The following DHX35 variants were observed in gnomAD, a reference collection of about 807,000 sequenced individuals.
DHX35 encodes probable ATP-dependent RNA helicase DHX35.
In DHX35, 84 loss-of-function variants were observed where a neutral mutation model predicts 99.6. The observed-to-expected ratio is 0.84, with a 90% CI of 0.71 to 1.01. The LOEUF is 1.01. DHX35 is among the 50% of genes least tolerant of loss of function. The probability of loss-of-function intolerance (pLI) is 0.00; values close to 1 mark genes in which losing one functional copy is unlikely to be tolerated. For synonymous variants in DHX35, 331 were observed against 316.2 expected (o/e 1.05, Z -0.50); for missense variants, 852 against 888.5 (o/e 0.96, Z 0.52).
At chr20:38,964,468 C>T (rs1393456839) in intron 1 of DHX35, among the ~76,000 whole-genome samples, 2 of 151,670 alleles carry the variant, frequency 1.3e-5, no homozygotes, top group African/African-American at 2.4e-5. Flanking sequence ...TCTGGCTCAG[C>T]CGCCCAGGCT....
chr20:39,021,702 C>A, intron 15 of DHX35, 139 bp from the exon 16 acceptor site: 1 of 826,836 alleles, frequency 1.2e-6, no homozygotes, highest in South Asian at 1.6e-5. Flanking sequence ...GGCTTATATA[C>A]TATACACTTT....
chr20:39,032,881 C>T (rs1399088432), intron 20 of DHX35, among the ~76,000 whole-genome samples: 1 of 152,156 alleles, frequency 6.6e-6, no homozygotes, highest in Non-Finnish European at 1.5e-5. Context: ...TTGAAAGCAC[C>T]TTGGTCGGTT....
chr20:38,994,224 T>C (rs1361967784), intron 7 of DHX35, among the ~76,000 whole-genome samples: 1 of 152,176 alleles, frequency 6.6e-6, no homozygotes, highest in Non-Finnish European at 1.5e-5. Flanking sequence ...TTTCACTGAA[T>C]CTTTGCCAAC....
chr20:38,972,667 A>C lies in DHX35; in HGVS notation c.267+16A>C. The C allele has an allele frequency of 1.3e-6, 2 of 1,571,888 alleles. No individual in the cohort carries two copies. The highest frequency in any genetic ancestry group is 8.7e-7 in the Non-Finnish European group (1 of 1,143,456). ...GATTCCTCAGGTGAGTACATATTTA[A>C]TAAGTGTCTTTACACTTCGATTTGG... On this transcript the variant is annotated intron_variant, in intron 3 of 21. Transcript: ENST00000252011.
intron 13 of DHX35, 46 bp from the exon 14 acceptor site, chr20:39,014,834 G>T (rs1046535388): frequency 5.6e-6 from 9 of 1,610,316 alleles, no homozygotes; most frequent in Non-Finnish European, 7.6e-6. Flanking sequence ...TTTAATGTTT[G>T]TTGCCCAAAT....
chr20:38,995,668 T>C (rs533345905), intron 8 of DHX35, among the ~76,000 whole-genome samples: 1 of 152,368 alleles, frequency 6.6e-6, no homozygotes, highest in East Asian at 1.9e-4. Flanking sequence ...CCACTTACTA[T>C]ATTTACATGC....
chr20:39,025,299 G>T lies in DHX35; in HGVS notation c.1741G>T (p.Val581Leu). ...CAAGGGTCTTGTCAGAGCTGCGACTGTAAGAGAACAATTGAAAAAGCTTCT... is the reference window on the plus strand; with the variant it reads ...CAAGGGTCTTGTCAGAGCTGCGACTTTAAGAGAACAATTGAAAAAGCTTCT... Reference protein sequence around the residue: ...NYKGLVRAATVREQLKKLLVK... With the variant: ...NYKGLVRAATLREQLKKLLVK... The change falls in exon 18 of 22, where the codon GTA becomes TTA. Residue 581 changes from valine to leucine, a missense_variant. Physicochemically the swap from Val to Leu is conservative, Grantham distance 32. Coordinates refer to ENST00000252011, the MANE Select transcript of DHX35 (RefSeq NM_021931.4). 1 of 1,613,790 alleles carries T rather than the reference G, an allele frequency of 6.2e-7. No individual in the cohort carries two copies.
rs2086848221 is a variant in DHX35, at chr20:39,020,027, G to GT, written c.1498+1129dup. On this transcript the variant is annotated intron_variant, in intron 15 of 21. Transcript: ENST00000252011. ...CCTGCCTTATTTCACTTGGCATAAT[G>GT]TCCTCCAGTTCCATTTATGCTGTCA... Among the ~76,000 whole-genome samples the GT allele has an allele frequency of 1.3e-5, 2 of 152,124 alleles. 1 individual carries two copies. The highest frequency in any genetic ancestry group is 4.1e-4 in the South Asian group (2 of 4,824).
Position 39,034,198 on chromosome 20 carries a change from C to A in DHX35, c.1956-8C>A. On this transcript the variant is annotated splice_region_variant and splice_polypyrimidine_tract_variant and intron_variant, in intron 20 of 21. Coordinates refer to ENST00000252011, the MANE Select transcript of DHX35 (RefSeq NM_021931.4). Reference sequence around the variant, plus strand: ...GGGAAATTAGCTCATGTTTCTTTCTCATTTCAGGGTCATCTATAACGAAGT... The same window carrying A: ...GGGAAATTAGCTCATGTTTCTTTCTAATTTCAGGGTCATCTATAACGAAGT... The A allele has an allele frequency of 6.2e-7, 1 of 1,600,076 alleles. No individual in the cohort carries two copies. The highest frequency in any genetic ancestry group is 1.1e-5 in the South Asian group (1 of 90,824).
intron 16 of DHX35, among the ~76,000 whole-genome samples, chr20:39,022,725 G>T (rs2086894138): frequency 6.6e-6 from 1 of 152,230 alleles, no homozygotes; most frequent in Non-Finnish European, 1.5e-5. Flanking sequence ...TTGCAGGTGG[G>T]CCATTATAAG....
chr20:38,998,622 C>T (rs1263731788), intron 8 of DHX35, among the ~76,000 whole-genome samples: 1 of 152,198 alleles, frequency 6.6e-6, no homozygotes, highest in Admixed American at 6.5e-5. Flanking sequence ...GACTCAAATT[C>T]TTCTTTTCTG....
chr20:38,991,213 A>T (rs556417320), intron 5 of DHX35, among the ~76,000 whole-genome samples: 1 of 152,300 alleles, frequency 6.6e-6, no homozygotes, highest in African/African-American at 2.4e-5. Context: ...ATGTTCCCAT[A>T]ATAAAGGCAA....
rs199881844 is a variant in DHX35, at chr20:38,997,366, T to C, written c.642+2486T>C. ...ATTTACAGGCATGAACCACCACGCC[T>C]GGCCAGATTCATTGTTAATTAATAC... On this transcript the variant is annotated intron_variant, in intron 8 of 21. Transcript: ENST00000252011. Among the ~76,000 whole-genome samples, 25 of 152,270 alleles carry C rather than the reference T, an allele frequency of 1.6e-4. No individual in the cohort carries two copies. In the East Asian group the frequency reaches 4.6e-3, roughly 28 times the overall value.
chr20:38,973,012 T>C (rs977911997), intron 3 of DHX35, among the ~76,000 whole-genome samples: 2 of 152,232 alleles, frequency 1.3e-5, no homozygotes, highest in Non-Finnish European at 1.5e-5. Flanking sequence ...TTGGCTGTTA[T>C]AGTATTATGC....
intron 3 of DHX35, among the ~76,000 whole-genome samples, chr20:38,975,012 T>C (rs16987715): frequency 0.35 from 52,606 of 152,044 alleles, 9,257 homozygotes; most frequent in Middle Eastern, 0.52. Context: ...TCCCTTTGCA[T>C]ATTTGAATAT....
chr20:39,015,273 A>AACC (rs1349817512), intron 14 of DHX35, among the ~76,000 whole-genome samples: 1 of 152,142 alleles, frequency 6.6e-6, no homozygotes, highest in Non-Finnish European at 1.5e-5. Flanking sequence ...TCCACCCAAC[A>AACC]ACCACATCCT....
At chr20:39,021,534 C>T (rs1371153126) in intron 15 of DHX35, among the ~76,000 whole-genome samples, 1 of 152,098 alleles carries the variant, frequency 6.6e-6, no homozygotes, top group East Asian at 1.9e-4. Context: ...CTTGTGCTGT[C>T]ACCCTGGCTG....
intron 8 of DHX35, 121 bp from the exon 9 acceptor site, chr20:39,001,609 G>T (rs1381631723): frequency 3.0e-6 from 2 of 667,606 alleles, no homozygotes; most frequent in South Asian, 3.8e-5. Flanking sequence ...AATCTGTATT[G>T]CACATATATA....
At chr20:38,994,939 C>A in intron 8 of DHX35, 59 bp downstream of exon 8, 1 of 1,481,972 alleles carries the variant, frequency 6.7e-7, no homozygotes, top group Non-Finnish European at 9.4e-7. Flanking sequence ...CCTATATATC[C>A]TTGGGAAGTT....
Sources: allele counts gnomAD v4.1 joint callset (sites outside exome capture counted in the v4.1 genomes callset), GRCh38; gene constraint gnomAD v4.1.1; transcripts MANE v1.5; gene names NCBI Gene and HGNC (gene_info 2026-07-23, HGNC 2026-07-21).